Variants in PAPPA observed in about 807,000 individuals in gnomAD.
PAPPA encodes the protein pappalysin 1, also known as pappalysin-1.
PAPPA carries 60 observed loss-of-function variants against 164.0 expected under a neutral mutation model. That is an observed-to-expected ratio of 0.37 (90% confidence interval 0.30 to 0.45). The LOEUF (loss-of-function observed/expected upper bound fraction) is 0.45, where lower values mean the gene tolerates loss of function less well. PAPPA is among the 20% of genes least tolerant of loss of function. The probability of loss-of-function intolerance (pLI) is 1.00; values close to 1 mark genes in which losing one functional copy is unlikely to be tolerated. For missense variants in PAPPA, 1,782 were observed against 2,087.3 expected (o/e 0.85, Z 2.85); for synonymous variants, 875 against 814.1 (o/e 1.07, Z -1.27).
intron 19 of PAPPA, among the ~76,000 whole-genome samples, chr9:116,371,734 A>T: frequency 6.6e-6 from 1 of 151,780 alleles, no homozygotes; most frequent in East Asian, 1.9e-4. Context: ...TTACTTCTTT[A>T]AGTGTAAGGC....
At chr9:116,309,369 C>A (rs947495939) in intron 10 of PAPPA, among the ~76,000 whole-genome samples, 1 of 152,150 alleles carries the variant, frequency 6.6e-6, no homozygotes, top group African/African-American at 2.4e-5. Flanking sequence ...ACCCACTGCG[C>A]CCAGCCAGAT....
At chr9:116,374,701 G>A (rs1370093182) in intron 19 of PAPPA, among the ~76,000 whole-genome samples, 1 of 152,208 alleles carries the variant, frequency 6.6e-6, no homozygotes, top group African/African-American at 2.4e-5. Context: ...GAAGGCATGG[G>A]CATCGAATCC....
chr9:116,331,232 A>G lies in PAPPA; in HGVS notation c.3148-12A>G, dbSNP rs750876219. ...TCTAAAACATGATTATTTTTTCTTT[A>G]TATTTTTCCAGGTGTGTCGAACCAA... On this transcript the variant is annotated splice_polypyrimidine_tract_variant and intron_variant, in intron 10 of 21. Coordinates refer to ENST00000328252, the MANE Select transcript of PAPPA (RefSeq NM_002581.5). 8 of 1,476,162 alleles carry G rather than the reference A, an allele frequency of 5.4e-6. No homozygotes were observed. Among genetic ancestry groups the G allele is most frequent in the Non-Finnish European group, 7.6e-6 (8 of 1,056,004 alleles). The allele number at this position is 1,476,162 out of a possible 1,614,324, so 91.4% of individuals were successfully genotyped here.
rs950075933 is a variant in PAPPA, at chr9:116,331,189, G to T, written c.3148-55G>T. The T allele has an allele frequency of 4.6e-5, 53 of 1,142,958 alleles. No homozygotes were observed. The East Asian group carries it at 1.1e-3, about 24-fold the overall frequency. The allele number at this position is 1,142,958 out of a possible 1,614,324, so 70.8% of individuals were successfully genotyped here. ...GTAAAGGTTTGTAAAATTGAATTTA[G>T]TTGAACTTCTGACACTCTCTAAAAC... is the stretch of plus-strand genomic sequence containing the variant. On this transcript the variant is annotated intron_variant, in intron 10 of 21. Coordinates refer to ENST00000328252, the MANE Select transcript of PAPPA (RefSeq NM_002581.5).
At chr9:116,244,993 A>G (rs1206112360) in intron 7 of PAPPA, among the ~76,000 whole-genome samples, 1 of 152,182 alleles carries the variant, frequency 6.6e-6, no homozygotes, top group Non-Finnish European at 1.5e-5. Context: ...AAAGGAGTGG[A>G]ATCTTGTCGT....
At chr9:116,270,984 A>G (rs953903881) in intron 8 of PAPPA, among the ~76,000 whole-genome samples, 7 of 152,168 alleles carry the variant, frequency 4.6e-5, no homozygotes, top group Non-Finnish European at 8.8e-5. Context: ...TGTCTGTGAG[A>G]CTTCCTAGAC....
chr9:116,178,495 C>G lies in PAPPA; in HGVS notation c.416-8659C>G, dbSNP rs1288415243. 2.6e-5 allele frequency among the ~76,000 whole-genome samples: 4 copies of G among 152,294 alleles called. No individual in the cohort carries two copies. In the East Asian group the frequency reaches 7.7e-4, roughly 29 times the overall value. The stretch of plus-strand genomic sequence containing the variant: ...GCAAATGAGCCTTTGGATTCTCTTA[C>G]TAAATCCTCGAAATGGCACTATTTA... On this transcript the variant is annotated intron_variant, in intron 1 of 21. Transcript: ENST00000328252.
At chr9:116,170,661 C>T (rs1442936326) in intron 1 of PAPPA, among the ~76,000 whole-genome samples, 1 of 149,188 alleles carries the variant, frequency 6.7e-6, no homozygotes, top group Non-Finnish European at 1.5e-5. Context: ...TTCCTTCCAT[C>T]CACCCTTCCA....
chr9:116,278,391 T>C (rs987952175), intron 9 of PAPPA, among the ~76,000 whole-genome samples: 4 of 152,222 alleles, frequency 2.6e-5, no homozygotes, highest in African/African-American at 9.6e-5. Context: ...TATGTCCAAC[T>C]CCAGACTAAC....
intron 18 of PAPPA, among the ~76,000 whole-genome samples, chr9:116,366,831 C>CT (rs1473580836): frequency 6.6e-6 from 1 of 152,150 alleles, no homozygotes; most frequent in Non-Finnish European, 1.5e-5. Flanking sequence ...CCATGAAGGT[C>CT]TTCTCTGAGC....
intron 14 of PAPPA, among the ~76,000 whole-genome samples, chr9:116,345,435 A>AG (rs765614492): frequency 3.7e-5 from 2 of 53,436 alleles, no homozygotes; most frequent in Middle Eastern, 0.015. Context: ...CACATTGATG[A>AG]GAAAAAAAAA....
intron 19 of PAPPA, among the ~76,000 whole-genome samples, chr9:116,375,164 A>C (rs1846633808): frequency 2.0e-5 from 3 of 152,242 alleles, no homozygotes; most frequent in Admixed American, 2.0e-4. Context: ...CTCATAGTGG[A>C]AATGTACAAA....
At chr9:116,270,465 A>G (rs548798202) in intron 8 of PAPPA, among the ~76,000 whole-genome samples, 1 of 152,372 alleles carries the variant, frequency 6.6e-6, no homozygotes, top group South Asian at 2.1e-4. Flanking sequence ...CATCACAGAA[A>G]TATCAGATCA....
At chr9:116,242,140 G>A (rs1844743182) in intron 7 of PAPPA, among the ~76,000 whole-genome samples, 1 of 152,088 alleles carries the variant, frequency 6.6e-6, no homozygotes, top group African/African-American at 2.4e-5. Context: ...TTATACTGCA[G>A]CATGAAAAGT....
At chr9:116,324,953 T>C (rs1329207694) in intron 10 of PAPPA, among the ~76,000 whole-genome samples, 2 of 152,192 alleles carry the variant, frequency 1.3e-5, no homozygotes, top group Non-Finnish European at 2.9e-5. Flanking sequence ...CTGTGGATCA[T>C]GGGCAGCATG....
Position 116,351,133 on chromosome 9 carries a change from A to G in PAPPA, c.3965-1573A>G, listed in dbSNP as rs557678866. 6.6e-5 allele frequency among the ~76,000 whole-genome samples: 10 copies of G among 152,286 alleles called. No individual in the cohort carries two copies. In the South Asian group the frequency reaches 2.1e-3, roughly 32 times the overall value. ...ACTAAATAATATACTTTTTAGGATAATTTATTGTACTCCTCCCTGTCCCAC... is the reference window on the plus strand; with the variant it reads ...ACTAAATAATATACTTTTTAGGATAGTTTATTGTACTCCTCCCTGTCCCAC... On this transcript the variant is annotated intron_variant, in intron 15 of 21. Coordinates refer to ENST00000328252, the MANE Select transcript of PAPPA (RefSeq NM_002581.5).
chr9:116,313,082 C>CAAAAA (rs59596284), intron 10 of PAPPA, among the ~76,000 whole-genome samples: 10 of 68,442 alleles, frequency 1.5e-4, no homozygotes, highest in Non-Finnish European at 2.6e-4. Context: ...GACTCCATCT[C>CAAAAA]AAAAAAAAAA....
intron 19 of PAPPA, among the ~76,000 whole-genome samples, chr9:116,374,578 A>G (rs968502952): frequency 2.0e-5 from 3 of 152,246 alleles, no homozygotes; most frequent in African/African-American, 7.2e-5. Flanking sequence ...TGCAGATAGT[A>G]TAAAAGTCCT....
rs1341580821 is a variant in PAPPA at position 116,154,954 on chromosome 9, G to A, written c.415+367G>A. ...AAAGGGAGGATGACCCAATTGAGAT[G>A]CATGTGAAAGGAGACTTGGGGACCG... On this transcript the variant is annotated intron_variant, in intron 1 of 21. Transcript: ENST00000328252. The surrounding 1 kb of genome is among the most constrained non-coding windows in gnomAD (Gnocchi z 5.2). Among the ~76,000 whole-genome samples the A allele has an allele frequency of 6.6e-6, 1 of 152,232 alleles. No individual in the cohort carries two copies. The highest frequency in any genetic ancestry group is 1.5e-5 in the Non-Finnish European group (1 of 68,040).
Sources: allele counts gnomAD v4.1 joint callset (sites outside exome capture counted in the v4.1 genomes callset), GRCh38; gene constraint gnomAD v4.1.1; non-coding constraint Gnocchi (gnomAD v3.1); transcripts MANE v1.5; gene names NCBI Gene and HGNC (gene_info 2026-07-23, HGNC 2026-07-21).